TRHDE: variants seen among roughly 807,000 people sequenced by gnomAD.
TRHDE encodes the protein thyrotropin-releasing hormone-degrading ectoenzyme.
In TRHDE, 72 loss-of-function variants were observed where a neutral mutation model predicts 125.7. The ratio of observed to expected loss-of-function variants is 0.57; its 90% confidence interval spans 0.47 to 0.70. The LOEUF (loss-of-function observed/expected upper bound fraction) is 0.70, where lower values mean the gene tolerates loss of function less well. Among genes scored for constraint, TRHDE ranks in the 30% least tolerant of loss-of-function variants. The pLI is 0.00. For missense variants in TRHDE, 1,110 were observed against 1,327.1 expected, an observed-to-expected ratio of 0.84 and a Z score of 2.54; for synonymous variants, 509 against 509.1, an observed-to-expected ratio of 1.00 and a Z score of 0.00.
intron 2 of TRHDE, among the ~76,000 whole-genome samples, chr12:72,228,354 C>T (rs936569051): frequency 1.5e-4 from 23 of 152,324 alleles, no homozygotes; most frequent in African/African-American, 4.3e-4. Flanking sequence ...CTTGTACCCT[C>T]TGAAGCAATG....
At chr12:72,280,242 A>C (rs1027100992) in intron 1 of TRHDE, among the ~76,000 whole-genome samples, 1 of 152,156 alleles carries the variant, frequency 6.6e-6, no homozygotes, top group South Asian at 2.1e-4. Flanking sequence ...ATGATATTCT[A>C]TTGTACAGGG....
chr12:72,509,871 C>T (rs990401589), intron 6 of TRHDE, among the ~76,000 whole-genome samples: 1 of 152,098 alleles, frequency 6.6e-6, no homozygotes, highest in African/African-American at 2.4e-5. Flanking sequence ...ATAAACAAAA[C>T]ATTCTGGTGT....
chr12:72,620,385 T>A, intron 13 of TRHDE, among the ~76,000 whole-genome samples: 1 of 147,258 alleles, frequency 6.8e-6, no homozygotes, highest in African/African-American at 2.5e-5. Flanking sequence ...TAACTGGGTG[T>A]AGTGGCTTGT....
chr12:72,479,656 T>TC (rs1555189814), intron 5 of TRHDE, among the ~76,000 whole-genome samples: 1 of 151,222 alleles, frequency 6.6e-6, no homozygotes, highest in Admixed American at 6.6e-5. Flanking sequence ...TGTTTTTTTT[T>TC]AATTTTTATT....
chr12:72,157,897 AG>A (rs1223826608), intron 2 of TRHDE, among the ~76,000 whole-genome samples: 1 of 152,148 alleles, frequency 6.6e-6, no homozygotes, highest in African/African-American at 2.4e-5. Flanking sequence ...AAGAACATTG[AG>A]AAAGGAGCCT....
chr12:72,507,061 C>T (rs752597246), intron 6 of TRHDE, among the ~76,000 whole-genome samples: 1 of 152,112 alleles, frequency 6.6e-6, no homozygotes, highest in Admixed American at 6.5e-5. Context: ...GTAAGATATG[C>T]CTCCTTCCTC....
In TRHDE at chr12:72,618,913, A is replaced by G. The variant is rs1872931501; in HGVS notation, c.2344A>G (p.Ile782Val). 6.4e-7 allele frequency: 1 copy of G among 1,552,062 alleles called. No homozygotes were observed. Among genetic ancestry groups the G allele is most frequent in the South Asian group, 1.2e-5 (1 of 80,216 alleles). ...TAGGGCTGGCTATTTGCCTCAGAAT[A>G]TTCCTCTGGAGATTATCAGATACCT... ...LARAGYLPQNIPLEIIRYLSE... is the reference protein window; with the variant it reads ...LARAGYLPQNVPLEIIRYLSE... The change falls in exon 13 of 19, where the codon ATT (isoleucine) becomes GTT (valine). Residue 782 changes from isoleucine (I) to valine (V), a missense_variant. By Grantham distance (29) the Ile-to-Val change is conservative. This residue lies in a region of TRHDE where 527 missense variants were observed against 651.8 expected (regional missense o/e 0.81). Transcript: ENST00000261180.
intron 15 of TRHDE, 150 bp from the exon 16 acceptor site, chr12:72,652,172 T>C (rs989337940): frequency 2.6e-6 from 1 of 392,066 alleles, no homozygotes; most frequent in Non-Finnish European, 4.4e-6. Context: ...TAAAATATTA[T>C]TACTGTGTAG....
At chr12:72,264,435 A>G (rs1049311851) in intron 2 of TRHDE, 8 of 151,992 alleles carry the variant, frequency 5.3e-5, no homozygotes, top group African/African-American at 1.4e-4. Context: ...CTAAGTTAAA[A>G]AACATTTTTC....
chr12:72,658,750 G>A (rs1197622912), intron 18 of TRHDE, among the ~76,000 whole-genome samples: 1 of 152,006 alleles, frequency 6.6e-6, no homozygotes, highest in East Asian at 1.9e-4. Flanking sequence ...CTAAATTATG[G>A]CTTTTATTTC....
At chr12:72,567,288 C>T (rs1213616683) in intron 9 of TRHDE, among the ~76,000 whole-genome samples, 1 of 151,192 alleles carries the variant, frequency 6.6e-6, no homozygotes, top group East Asian at 1.9e-4. Context: ...AGCATAGTAT[C>T]TCCACATAGT....
chr12:72,517,844 G>A (rs910068112), intron 6 of TRHDE, among the ~76,000 whole-genome samples: 7 of 151,726 alleles, frequency 4.6e-5, no homozygotes, highest in Non-Finnish European at 1.0e-4. Context: ...GGTATGTTGT[G>A]TCTTTGTTCT....
Position 72,568,551 on chromosome 12 carries a change from T to G in TRHDE, c.2043-17T>G. Reference sequence around the variant, plus strand: ...TATAGTTATTTTTATTCTTAAAGCTTGTCTTTTATTTTGCAGTTACCTGTG... The same window carrying G: ...TATAGTTATTTTTATTCTTAAAGCTGGTCTTTTATTTTGCAGTTACCTGTG... On this transcript the variant is annotated splice_polypyrimidine_tract_variant and intron_variant, in intron 9 of 18. Coordinates refer to ENST00000261180, the MANE Select transcript of TRHDE (RefSeq NM_013381.3). The G allele has an allele frequency of 6.4e-7, 1 of 1,572,728 alleles. No individual in the cohort carries two copies.
At chr12:72,627,041 C>A (rs1038020981) in intron 15 of TRHDE, among the ~76,000 whole-genome samples, 7 of 151,882 alleles carry the variant, frequency 4.6e-5, no homozygotes, top group Admixed American at 4.6e-4. Flanking sequence ...ATTTTGTAGA[C>A]CAGTGAATAC....
At chr12:72,109,212 T>C (rs1875260864) in intron 2 of TRHDE, among the ~76,000 whole-genome samples, 3 of 152,066 alleles carry the variant, frequency 2.0e-5, no homozygotes, top group South Asian at 2.1e-4. Context: ...AGAGTAAGAA[T>C]TGACATCAAT....
intron 2 of TRHDE, among the ~76,000 whole-genome samples, chr12:72,351,838 A>G (rs1447833728): frequency 6.6e-6 from 1 of 151,904 alleles, no homozygotes; most frequent in Non-Finnish European, 1.5e-5. Flanking sequence ...TTTATCTTGC[A>G]TCTTCTTTAT....
At chr12:72,135,247 C>G (rs1224788043) in intron 2 of TRHDE, among the ~76,000 whole-genome samples, 1 of 152,132 alleles carries the variant, frequency 6.6e-6, no homozygotes, top group African/African-American at 2.4e-5. Context: ...TTTGTCAATT[C>G]TCTTCTGTTT....
intron 15 of TRHDE, among the ~76,000 whole-genome samples, chr12:72,640,945 T>C (rs1323955235): frequency 6.6e-6 from 1 of 152,234 alleles, no homozygotes; most frequent in Non-Finnish European, 1.5e-5. Flanking sequence ...ATGTTTTTCA[T>C]TGTCTTGGAA....
upstream of TRHDE, among the ~76,000 whole-genome samples, chr12:72,268,388 A>G (rs1592507005): frequency 6.6e-6 from 1 of 152,282 alleles, no homozygotes; most frequent in African/African-American, 2.4e-5. Context: ...TTGAGAACAT[A>G]AAGAGGGTAG....
Sources: gnomAD v4.1 joint callset for allele counts (sites outside exome capture counted in the v4.1 genomes callset) on GRCh38, gnomAD v4.1.1 for gene constraint, gnomAD v4.1.1 regional missense constraint, MANE v1.5 for transcripts, NCBI Gene and HGNC (gene_info 2026-07-23, HGNC 2026-07-21) for gene names.